The following NXPH4 variants were observed in gnomAD, a reference collection of about 807,000 sequenced individuals.
The protein encoded by NXPH4 is neurexophilin-4.
In NXPH4, 8 loss-of-function variants were observed where a neutral mutation model predicts 21.3. The ratio of observed to expected loss-of-function variants is 0.38; its 90% CI spans 0.22 to 0.68. The LOEUF is 0.68. Ranked by LOEUF, NXPH4 falls within the 30% of genes least tolerant of loss-of-function variation. The pLI is 0.53. For missense variants in NXPH4, 418 were observed against 416.8 expected (o/e 1.00, Z -0.03); for synonymous variants, 219 against 192.6 (o/e 1.14, Z -1.13).
chr12:57,217,044 G>T lies in NXPH4; in HGVS notation c.57+18G>T, dbSNP rs769985754. The T allele has an allele frequency of 4.4e-6, 7 of 1,590,196 alleles. No individual in the cohort carries two copies. In the South Asian group the frequency reaches 6.8e-5, roughly 16 times the overall value. On this transcript the variant is annotated intron_variant, in intron 1 of 1. Coordinates refer to ENST00000349394, the MANE Select transcript of NXPH4 (RefSeq NM_007224.4). ...TTAGGAAGGTAAGAGTGGCAGGGCT[G>T]GGGCGCTAGCGCGGGCGCGGGGTTC...
rs1164201860 is a variant in NXPH4, at chr12:57,225,000, C to T, written c.180C>T (p.Gly60=). 6.7e-7 allele frequency: 1 copy of T among 1,497,934 alleles called. No individual in the cohort carries two copies. The highest frequency in any genetic ancestry group is 1.3e-5 in the South Asian group (1 of 79,314). 92.8% of individuals were successfully genotyped at this position (1,497,934 alleles called of 1,614,324 possible). Residue 60 remains glycine, a synonymous_variant, in exon 2 of 2, where the codon GGC becomes GGT. Transcript: ENST00000349394. ...LPEPRSSDGL[G]VGRAWSWAWP... is the part of the protein sequence containing the mutation. ...AGCCAAGGTCTTCGGACGGCCTAGG[C>T]GTGGGCCGCGCCTGGAGCTGGGCCT...
intron 1 of NXPH4, among the ~76,000 whole-genome samples, chr12:57,217,793 G>A (rs532461356): frequency 6.6e-5 from 10 of 152,356 alleles, no homozygotes; most frequent in African/African-American, 2.2e-4. Context: ...TTCAACCTGC[G>A]AACATGCTGT....
chr12:57,221,258 C>T (rs1565762952), intron 1 of NXPH4: 1 of 443,946 alleles, frequency 2.3e-6, no homozygotes, highest in Non-Finnish European at 4.6e-6. Context: ...GCACCCCTGC[C>T]TCTTTCTAGG....
chr12:57,223,626 C>T (rs1337665125), intron 1 of NXPH4, among the ~76,000 whole-genome samples: 3 of 152,230 alleles, frequency 2.0e-5, no homozygotes, highest in Admixed American at 6.5e-5. Context: ...CCACAGCACG[C>T]GGCGGTGGTG....
chr12:57,223,240 G>T (rs539951237), intron 1 of NXPH4, among the ~76,000 whole-genome samples: 1 of 152,148 alleles, frequency 6.6e-6, no homozygotes, highest in East Asian at 1.9e-4. Flanking sequence ...CACAGGAAAG[G>T]TGACACCTCC....
In NXPH4 at chr12:57,225,324, G is replaced by T. The variant is rs147287568; in HGVS notation, c.504G>T (p.Leu168=). Residue 168 remains leucine (L), a synonymous_variant, in exon 2 of 2, where the codon CTG becomes CTT. Transcript: ENST00000349394. The stretch of plus-strand genomic sequence containing the variant: ...GTGTCGAGTTCGGAGGAGTCTGGCT[G>T]CCCGGGCCTGTCCCCCACCCTCTGC... ...SKRVEFGGVW[L]PGPVPHPLQS... 2.5e-4 allele frequency: 392 copies of T among 1,559,284 alleles called. No individual in the cohort carries two copies. The highest frequency in any genetic ancestry group is 3.0e-4 in the Non-Finnish European group (345 of 1,154,624).
At chr12:57,222,871 C>CGAGCG (rs1370269771) in intron 1 of NXPH4, among the ~76,000 whole-genome samples, 1 of 152,146 alleles carries the variant, frequency 6.6e-6, no homozygotes, top group Non-Finnish European at 1.5e-5. Context: ...ATATGTATGA[C>CGAGCG]GAGCGGGTGG....
rs1287954068 is a variant in NXPH4, at chr12:57,216,865, C to A, written c.-105C>A. 1 of 264,902 alleles carries A rather than the reference C, an allele frequency of 3.8e-6. No individual in the cohort carries two copies. The highest frequency in any genetic ancestry group is 1.6e-4 in the East Asian group (1 of 6,204). The allele number at this position is 264,902 out of a possible 1,614,324, so 16.4% of individuals were successfully genotyped here. A position where few individuals can be genotyped will look rare whatever the true frequency, so the allele number is the denominator to read the frequency against. ...CTCCCGCCGCTCCCGCCGCTCCCGC[C>A]GCTCCCGCAGCCGCCCCGCCGCCCG... is the stretch of plus-strand genomic sequence containing the variant. On this transcript the variant is annotated 5_prime_UTR_variant, in exon 1 of 2. Transcript: ENST00000349394. This position sits in a 1 kb window ranked among gnomAD's most constrained non-coding sequence, Gnocchi z 5.3.
intron 1 of NXPH4, among the ~76,000 whole-genome samples, chr12:57,223,598 A>G (rs1433990024): frequency 6.6e-6 from 1 of 152,188 alleles, no homozygotes; most frequent in African/African-American, 2.4e-5. Context: ...CCCCCATGGG[A>G]CCTGTGCACA....
rs1340574300 is a variant in NXPH4 at position 57,224,954 on chromosome 12, C to T, written c.134C>T (p.Ala45Val). 2.1e-6 allele frequency: 3 copies of T among 1,405,368 alleles called. No homozygotes were observed. The highest frequency in any genetic ancestry group is 9.3e-7 in the Non-Finnish European group (1 of 1,076,710). The allele number at this position is 1,405,368 out of a possible 1,614,324, so 87.1% of individuals were successfully genotyped here. ...CGCCCCGCCGCGGCCGGAGCGGGTG[C>T]CCCCGGCCAGCAGCTCCCAGAGCCA... ...GLRPAAAGAG[A>V]PGQQLPEPRS... The change falls in exon 2 of 2, where the codon GCC becomes GTC. Residue 45 changes from alanine to valine, a missense_variant. Ala to Val is a moderately conservative substitution (Grantham distance 64). Transcript: ENST00000349394.
Position 57,225,460 on chromosome 12 carries a change from G to A in NXPH4, c.640G>A (p.Gly214Arg), listed in dbSNP as rs1444234258. ...GGGCTCCCTCGGGGGCGCACTGGCG[G>A]GGCCGCTTGGGGGCGCGTTGGGAGT... ...LGGSLGGALA[G>R]PLGGALGVPG... The change falls in exon 2 of 2, where the codon GGG becomes AGG. Residue 214 changes from glycine to arginine, a missense_variant. Gly to Arg is a moderately radical substitution (Grantham distance 125). Transcript: ENST00000349394. 1 of 1,599,020 alleles carries A rather than the reference G, an allele frequency of 6.3e-7. No homozygotes were observed. The highest frequency in any genetic ancestry group is 1.3e-5 in the African/African-American group (1 of 74,764).
At chr12:57,221,195 C>T (rs2037088216) in intron 1 of NXPH4, 1 of 385,338 alleles carries the variant, frequency 2.6e-6, no homozygotes, top group Admixed American at 2.8e-5. Flanking sequence ...CCTCTCTCCT[C>T]ACCCACATCT....
chr12:57,223,590 C>G (rs1308734634), intron 1 of NXPH4, among the ~76,000 whole-genome samples: 1 of 152,212 alleles, frequency 6.6e-6, no homozygotes, highest in East Asian at 1.9e-4. Context: ...ACTGCCTCCC[C>G]CCATGGGACC....
chr12:57,225,550 C>T lies in NXPH4; in HGVS notation c.730C>T (p.Arg244Cys). 1 of 1,613,134 alleles carries T rather than the reference C, an allele frequency of 6.2e-7. No individual in the cohort carries two copies. Among genetic ancestry groups the T allele is most frequent in the South Asian group, 1.1e-5 (1 of 91,082 alleles). ...HVEYEKTNRA[R>C]KHRPCLYDPS... is the part of the protein sequence containing the mutation. Reference sequence around the variant, plus strand: ...GGAGTATGAGAAGACAAACCGCGCGCGCAAGCACCGACCGTGCCTGTACGA... The same window carrying T: ...GGAGTATGAGAAGACAAACCGCGCGTGCAAGCACCGACCGTGCCTGTACGA... Residue 244 changes from arginine to cysteine, a missense_variant, in exon 2 of 2, where the codon CGC (arginine) becomes TGC (cysteine). Transcript: ENST00000349394.
At chr12:57,221,261 T>C (rs2136769101) in intron 1 of NXPH4, 1 of 444,912 alleles carries the variant, frequency 2.2e-6, no homozygotes, top group Non-Finnish European at 4.6e-6. Flanking sequence ...CCCCTGCCTC[T>C]TTCTAGGTGC....
In NXPH4 at chr12:57,220,876, G is replaced by A. The variant is rs140997227; in HGVS notation, c.57+3850G>A. On this transcript the variant is annotated intron_variant, in intron 1 of 1. Coordinates refer to ENST00000349394, the MANE Select transcript of NXPH4 (RefSeq NM_007224.4). ...GTAACCATCCCCATCCCCCATCTCT[G>A]TTTTGCCCCACCCTGACCCCATCCC... Among the ~76,000 whole-genome samples, 582 of 149,472 alleles carry A rather than the reference G, an allele frequency of 3.9e-3. 2 individuals carry two copies. The highest frequency in any genetic ancestry group is 0.014 in the African/African-American group (559 of 40,342).
chr12:57,226,306 GC>G lies in NXPH4; in HGVS notation c.*564del. On this transcript the variant is annotated 3_prime_UTR_variant, in exon 2 of 2. Transcript: ENST00000349394. ...ACCCCTGGGCTGAGGCCCTGGCCCT[GC>G]CCCCGGCCCCTGCCCCTGCCCGCCC... The G allele has an allele frequency of 2.0e-5, 5 of 247,842 alleles. No homozygotes were observed. The highest frequency in any genetic ancestry group is 3.8e-5 in the Non-Finnish European group (5 of 130,912). 15.4% of individuals were successfully genotyped at this position (247,842 alleles called of 1,614,324 possible). A position where few individuals can be genotyped will look rare whatever the true frequency, so the allele number is the denominator to read the frequency against.
intron 1 of NXPH4, among the ~76,000 whole-genome samples, chr12:57,220,455 G>GAAATA (rs138224994): frequency 0.013 from 2,038 of 151,292 alleles, 22 homozygotes; most frequent in African/African-American, 0.015. Flanking sequence ...AGGAAGCAGG[G>GAAATA]AAATAAAATA....
At chr12:57,220,294 C>T (rs1380788287) in intron 1 of NXPH4, among the ~76,000 whole-genome samples, 1 of 152,092 alleles carries the variant, frequency 6.6e-6, no homozygotes, top group Non-Finnish European at 1.5e-5. Context: ...GCTCCGGCTT[C>T]GGGAAATTAC....
Sources: gnomAD v4.1 joint callset for allele counts (sites outside exome capture counted in the v4.1 genomes callset) on GRCh38, gnomAD v4.1.1 for gene constraint, Gnocchi (gnomAD v3.1) non-coding constraint, MANE v1.5 for transcripts, NCBI Gene and HGNC (gene_info 2026-07-23, HGNC 2026-07-21) for gene names.